GNG4: variants seen among roughly 807,000 people sequenced by gnomAD.
GNG4 encodes G protein subunit gamma 4.
A neutral mutation model predicts 5.8 loss-of-function variants in GNG4; 4 were observed. The observed-to-expected ratio is 0.69, with a 90% CI of 0.34 to 1.57. GNG4 has a LOEUF of 1.57. Ranked by LOEUF, GNG4 falls within the 40% of genes most tolerant of loss-of-function variation. The pLI is 0.06. For missense variants in GNG4, 96 were observed against 95.1 expected, an observed-to-expected ratio of 1.01 and a Z score of -0.04; for synonymous variants, 29 against 32.9, an observed-to-expected ratio of 0.88 and a Z score of 0.41.
chr1:235,579,890 C>T (rs551232485), intron 3 of GNG4, among the ~76,000 whole-genome samples: 2 of 135,900 alleles, frequency 1.5e-5, no homozygotes, highest in East Asian at 4.6e-4. Context: ...ATAGAGTTAC[C>T]CTATGATCCA....
intron 1 of GNG4, among the ~76,000 whole-genome samples, chr1:235,610,516 C>T (rs907574780): frequency 6.6e-6 from 1 of 152,140 alleles, no homozygotes; most frequent in African/African-American, 2.4e-5. Flanking sequence ...TATTAGGAGG[C>T]ACTCAGGGTT....
intron 2 of GNG4, among the ~76,000 whole-genome samples, chr1:235,594,315 G>T (rs139255206): frequency 6.6e-6 from 1 of 152,124 alleles, no homozygotes; most frequent in African/African-American, 2.4e-5. Flanking sequence ...CAATCCCTTA[G>T]CTAGACATAA....
chr1:235,634,443 C>A (rs1688989893), intron 1 of GNG4, among the ~76,000 whole-genome samples: 1 of 152,156 alleles, frequency 6.6e-6, no homozygotes. Flanking sequence ...GTCAAGGTGG[C>A]TGTGAACTAA....
intron 3 of GNG4, among the ~76,000 whole-genome samples, chr1:235,561,815 G>A (rs1194295737): frequency 6.6e-6 from 1 of 152,196 alleles, no homozygotes; most frequent in African/African-American, 2.4e-5. Flanking sequence ...AAATTTTACT[G>A]TAATCTAGCT....
intron 1 of GNG4, chr1:235,616,532 C>CTGAA (rs1202218727): frequency 1.6e-5 from 3 of 191,210 alleles, no homozygotes; most frequent in African/African-American, 7.2e-5. Flanking sequence ...GTATTCCCGC[C>CTGAA]TTCAGATGTC....
chr1:235,610,904 G>A (rs1352642557), intron 1 of GNG4, among the ~76,000 whole-genome samples: 2 of 152,028 alleles, frequency 1.3e-5, no homozygotes, highest in East Asian at 3.9e-4. Flanking sequence ...GGCTAACATG[G>A]TGAAACCCCA....
intron 1 of GNG4, among the ~76,000 whole-genome samples, chr1:235,605,276 C>T (rs145675873): frequency 0.024 from 3,701 of 151,780 alleles, 90 homozygotes; most frequent in African/African-American, 0.066. Flanking sequence ...CTACAACCTC[C>T]GCCTCCCAGG....
intron 3 of GNG4, among the ~76,000 whole-genome samples, chr1:235,571,230 C>T (rs78949302): frequency 0.028 from 4,289 of 152,176 alleles, 193 homozygotes; most frequent in African/African-American, 0.097. Context: ...GTTAAAATAA[C>T]GAGGCGTCAG....
intron 1 of GNG4, among the ~76,000 whole-genome samples, chr1:235,607,055 C>T (rs1332735204): frequency 6.6e-6 from 1 of 151,178 alleles, no homozygotes; most frequent in Non-Finnish European, 1.5e-5. Flanking sequence ...TCTCCTGCCT[C>T]AGCCTCATGA....
intron 3 of GNG4, among the ~76,000 whole-genome samples, chr1:235,581,544 G>A (rs929769024): frequency 5.3e-5 from 8 of 150,088 alleles, no homozygotes; most frequent in East Asian, 1.9e-4. Flanking sequence ...GGTGTGTATC[G>A]CCTCCCCCTT....
At chr1:235,599,473 C>T (rs574253350) in intron 1 of GNG4, among the ~76,000 whole-genome samples, 28 of 152,018 alleles carry the variant, frequency 1.8e-4, no homozygotes, top group East Asian at 1.9e-4. Flanking sequence ...CGAGCCAACA[C>T]GCCTGGCTAA....
In GNG4 at chr1:235,642,646, A is replaced by G. The variant is rs1336855836; in HGVS notation, c.-123+7016T>C. Among the ~76,000 whole-genome samples, 1 of 152,054 alleles carries G rather than the reference A, an allele frequency of 6.6e-6. No individual in the cohort carries two copies. Among genetic ancestry groups the G allele is most frequent in the African/African-American group, 2.4e-5 (1 of 41,378 alleles). The stretch of plus-strand genomic sequence containing the variant: ...GGGCAGGGTTGGGAGGGTCTCTTTT[A>G]AGGGAATCCTATGCATGAAAGTCTG... On this transcript the variant is annotated intron_variant, in intron 1 of 3. Transcript: ENST00000391854. The surrounding 1 kb of genome is among the most constrained non-coding windows in gnomAD (Gnocchi z 4.3).
At chr1:235,584,085 G>C (rs188976688) in intron 2 of GNG4, among the ~76,000 whole-genome samples, 1 of 152,180 alleles carries the variant, frequency 6.6e-6, no homozygotes, top group East Asian at 1.9e-4. Flanking sequence ...AGTGAGAAGA[G>C]AACAGAAGGT....
At chr1:235,640,467 C>T (rs1392046078) in intron 1 of GNG4, among the ~76,000 whole-genome samples, 1 of 152,254 alleles carries the variant, frequency 6.6e-6, no homozygotes, top group Non-Finnish European at 1.5e-5. Flanking sequence ...TTGAGAACCA[C>T]TGCTGCATCT....
Position 235,642,166 on chromosome 1 carries a change from G to T in GNG4, c.-123+7496C>A, listed in dbSNP as rs1433280189. On this transcript the variant is annotated intron_variant, in intron 1 of 3. Transcript: ENST00000391854. This position sits in a 1 kb window ranked among gnomAD's most constrained non-coding sequence, Gnocchi z 4.3. ...TTCACAGCTAACCACAGCGGTCCGA[G>T]GCGAACGCAGGGTGGAAGAACCCGA... Among the ~76,000 whole-genome samples, 1 of 152,222 alleles carries T rather than the reference G, an allele frequency of 6.6e-6. No individual in the cohort carries two copies. The highest frequency in any genetic ancestry group is 1.5e-5 in the Non-Finnish European group (1 of 68,050).
At chr1:235,608,547 C>G (rs969247344) in intron 1 of GNG4, among the ~76,000 whole-genome samples, 2 of 152,210 alleles carry the variant, frequency 1.3e-5, no homozygotes, top group Non-Finnish European at 2.9e-5. Flanking sequence ...CCTCCCAGAT[C>G]CTGGCAACCA....
At position 235,567,168 on chromosome 1, in the gene GNG4, A is replaced by G. The variant is rs142615845; in HGVS notation, c.100-14931T>C. Among the ~76,000 whole-genome samples, 40 of 152,180 alleles carry G rather than the reference A, an allele frequency of 2.6e-4. 1 individual carries two copies. The highest frequency in any genetic ancestry group is 8.9e-4 in the African/African-American group (37 of 41,524). On this transcript the variant is annotated intron_variant, in intron 3 of 3. Coordinates refer to ENST00000391854, the MANE Select transcript of GNG4 (RefSeq NM_001098722.2). ...AGACTGGTCTCAAACTCCTGAGCTCAAGCAATTCTCCCACCTTGGCCTCCC... is the reference window on the plus strand; with the variant it reads ...AGACTGGTCTCAAACTCCTGAGCTCGAGCAATTCTCCCACCTTGGCCTCCC...
chr1:235,553,208 C>T (rs887903015), intron 3 of GNG4, among the ~76,000 whole-genome samples: 6 of 152,128 alleles, frequency 3.9e-5, no homozygotes, highest in Admixed American at 2.0e-4. Flanking sequence ...AAGCTCAAGG[C>T]CAGAGGAAGA....
chr1:235,577,494 G>A (rs1687516352), intron 3 of GNG4, among the ~76,000 whole-genome samples: 1 of 152,046 alleles, frequency 6.6e-6, no homozygotes, highest in Non-Finnish European at 1.5e-5. Context: ...AGGCTGGAGT[G>A]CAATGGTGCA....
Sources: allele counts gnomAD v4.1 joint callset (sites outside exome capture counted in the v4.1 genomes callset), GRCh38; gene constraint gnomAD v4.1.1; non-coding constraint Gnocchi (gnomAD v3.1); transcripts MANE v1.5; gene names NCBI Gene and HGNC (gene_info 2026-07-23, HGNC 2026-07-21).